The following FRS2 variants were observed in gnomAD, a reference collection of about 807,000 sequenced individuals.
The protein encoded by FRS2 is fibroblast growth factor receptor substrate 2.
In FRS2, 8 loss-of-function variants were observed where a neutral mutation model predicts 43.9. That is an observed-to-expected ratio of 0.18 (90% confidence interval 0.11 to 0.33). The LOEUF (loss-of-function observed/expected upper bound fraction) is 0.33. Ranked by LOEUF, FRS2 falls within the 10% of genes least tolerant of loss-of-function variation. FRS2 has a pLI of 1.00. For synonymous variants in FRS2, 219 were observed against 220.3 expected, an observed-to-expected ratio of 0.99 and a Z score of 0.05; for missense variants, 534 against 627.6, an observed-to-expected ratio of 0.85 and a Z score of 1.59.
chr12:69,500,612 T>A (rs937176087), intron 1 of FRS2, among the ~76,000 whole-genome samples: 1 of 152,224 alleles, frequency 6.6e-6, no homozygotes, highest in Non-Finnish European at 1.5e-5. Context: ...CAGGCTTATT[T>A]AATTCAACCA....
chr12:69,567,899 T>C (rs978866669), intron 4 of FRS2, among the ~76,000 whole-genome samples: 9 of 152,206 alleles, frequency 5.9e-5, no homozygotes, highest in African/African-American at 2.2e-4. Context: ...TGATCGGATC[T>C]ATCATACTGA....
At chr12:69,509,379 A>G (rs947047717) in intron 1 of FRS2, among the ~76,000 whole-genome samples, 3 of 152,218 alleles carry the variant, frequency 2.0e-5, no homozygotes, top group South Asian at 2.1e-4. Flanking sequence ...CACTGTCCCT[A>G]CAATACCTAA....
intron 1 of FRS2, among the ~76,000 whole-genome samples, chr12:69,498,519 T>TGTGTGTGTGTGTGTGTGTG (rs1873117530): frequency 7.1e-5 from 10 of 141,502 alleles, no homozygotes; most frequent in South Asian, 2.4e-4. Context: ...TTATGAGGGT[T>TGTGTGTGTGTGTGTGTGTG]TGTGTGTGTG....
chr12:69,492,126 A>G (rs1257292885), intron 1 of FRS2, among the ~76,000 whole-genome samples: 1 of 152,252 alleles, frequency 6.6e-6, no homozygotes, highest in Non-Finnish European at 1.5e-5. Flanking sequence ...TTCATCAAAA[A>G]TGTATTATTT....
intron 3 of FRS2, among the ~76,000 whole-genome samples, chr12:69,539,764 G>T (rs963369896): frequency 2.6e-5 from 4 of 151,998 alleles, no homozygotes; most frequent in Non-Finnish European, 5.9e-5. Context: ...GACCAGCCTG[G>T]CCAACATGGT....
At chr12:69,479,300 T>C (rs1199690350) in intron 1 of FRS2, among the ~76,000 whole-genome samples, 1 of 152,098 alleles carries the variant, frequency 6.6e-6, no homozygotes, top group African/African-American at 2.4e-5. Flanking sequence ...CTTTGTTCAT[T>C]ATAGATTTTA....
intron 3 of FRS2, among the ~76,000 whole-genome samples, chr12:69,549,886 T>C (rs1878724429): frequency 6.6e-6 from 1 of 152,230 alleles, no homozygotes; most frequent in African/African-American, 2.4e-5. Context: ...TCTTGTTTCT[T>C]GGAGAGTGAA....
chr12:69,496,293 C>T (rs966548978), intron 1 of FRS2, among the ~76,000 whole-genome samples: 1 of 152,046 alleles, frequency 6.6e-6, no homozygotes, highest in Non-Finnish European at 1.5e-5. Context: ...AAAAATTAGC[C>T]GGGCGTGGTG....
Position 69,565,889 on chromosome 12 carries a change from A to G in FRS2, c.-26-3116A>G, listed in dbSNP as rs146778285. 4.6e-5 allele frequency among the ~76,000 whole-genome samples: 7 copies of G among 152,350 alleles called. No individual in the cohort carries two copies. The East Asian group carries it at 1.2e-3, about 25-fold the overall frequency. On this transcript the variant is annotated intron_variant, in intron 4 of 8. Coordinates refer to ENST00000549921, the MANE Select transcript of FRS2 (RefSeq NM_001278356.2). ...GTAAGATACATAGTATAGTAAATAC[A>G]TAAACCAATTACATAGTCATTTATC...
chr12:69,544,787 T>C (rs1878226316), intron 3 of FRS2, among the ~76,000 whole-genome samples: 1 of 152,080 alleles, frequency 6.6e-6, no homozygotes, highest in Non-Finnish European at 1.5e-5. Context: ...ATACAGTGAA[T>C]GTCATATTCA....
chr12:69,568,599 G>GTCTC (rs764694284), intron 4 of FRS2, among the ~76,000 whole-genome samples: 61 of 150,410 alleles, frequency 4.1e-4, no homozygotes, highest in Non-Finnish European at 4.7e-4. Context: ...GTCCCTCTCT[G>GTCTC]TCTCTCTCTC....
At chr12:69,566,785 T>C (rs893385144) in intron 4 of FRS2, among the ~76,000 whole-genome samples, 1 of 152,168 alleles carries the variant, frequency 6.6e-6, no homozygotes. Context: ...GCCATTCTAT[T>C]GTGGGAACAC....
chr12:69,570,847 T>G (rs1451612653), intron 6 of FRS2, among the ~76,000 whole-genome samples: 1 of 152,206 alleles, frequency 6.6e-6, no homozygotes, highest in Non-Finnish European at 1.5e-5. Flanking sequence ...GAATGTTAAA[T>G]TTCTTCTCTA....
At chr12:69,498,419 T>C (rs1015588731) in intron 1 of FRS2, among the ~76,000 whole-genome samples, 35 of 151,976 alleles carry the variant, frequency 2.3e-4, no homozygotes, top group African/African-American at 7.5e-4. Context: ...AGCCGTGAGG[T>C]GTAGAGCAAG....
chr12:69,541,687 C>T (rs1455109624), intron 3 of FRS2, among the ~76,000 whole-genome samples: 7 of 151,814 alleles, frequency 4.6e-5, no homozygotes, highest in South Asian at 4.2e-4. Context: ...TAGCCACATG[C>T]GGTGGCATAT....
rs1881104636 is a variant in FRS2, at chr12:69,575,159, G to T, written c.*204G>T. On this transcript the variant is annotated 3_prime_UTR_variant, in exon 9 of 9. Coordinates refer to ENST00000549921, the MANE Select transcript of FRS2 (RefSeq NM_001278356.2). Reference sequence around the variant, plus strand: ...ACACTAATTTCATTATATACTACTCGTTGTACAGCAGCATTCCCGTTTTCA... The same window carrying T: ...ACACTAATTTCATTATATACTACTCTTTGTACAGCAGCATTCCCGTTTTCA... The T allele has an allele frequency of 2.0e-6, 1 of 498,952 alleles. No homozygotes were observed. Among genetic ancestry groups the T allele is most frequent in the African/African-American group, 1.9e-5 (1 of 51,966 alleles). The allele number at this position is 498,952 out of a possible 1,614,324, so 30.9% of individuals were successfully genotyped here. A position where few individuals can be genotyped will look rare whatever the true frequency, so the allele number is the denominator to read the frequency against.
chr12:69,502,155 G>A (rs949444260), intron 1 of FRS2, among the ~76,000 whole-genome samples: 13 of 151,990 alleles, frequency 8.6e-5, no homozygotes, highest in Admixed American at 5.2e-4. Flanking sequence ...TAGTGGAGAC[G>A]GGGTTTTACC....
chr12:69,530,493 C>G (rs1440540779), intron 1 of FRS2, among the ~76,000 whole-genome samples: 1 of 152,114 alleles, frequency 6.6e-6, no homozygotes, highest in Non-Finnish European at 1.5e-5. Context: ...AATCCTAGCA[C>G]TTTGGGAGGC....
intron 1 of FRS2, among the ~76,000 whole-genome samples, chr12:69,529,647 A>G (rs1173075247): frequency 6.6e-6 from 1 of 151,916 alleles, no homozygotes; most frequent in Non-Finnish European, 1.5e-5. Flanking sequence ...ATAAATAAAT[A>G]AATAGTACTG....
Sources: allele counts gnomAD v4.1 joint callset (sites outside exome capture counted in the v4.1 genomes callset), GRCh38; gene constraint gnomAD v4.1.1; transcripts MANE v1.5; gene names NCBI Gene and HGNC (gene_info 2026-07-23, HGNC 2026-07-21).